DCAF6: variants seen among roughly 807,000 people sequenced by gnomAD.
DCAF6 encodes DDB1 and CUL4 associated factor 6, also known as DDB1- and CUL4-associated factor 6.
A neutral mutation model predicts 125.1 loss-of-function variants in DCAF6; 54 were observed. The ratio of observed to expected loss-of-function variants is 0.43; its 90% confidence interval spans 0.35 to 0.54. The LOEUF (loss-of-function observed/expected upper bound fraction) is 0.54, where lower values mean the gene tolerates loss of function less well. Ranked by LOEUF, DCAF6 falls within the 20% of genes least tolerant of loss-of-function variation. The pLI is 0.01. For synonymous variants in DCAF6, 371 were observed against 390.4 expected, an observed-to-expected ratio of 0.95 and a Z score of 0.58; for missense variants, 934 against 1,161.7, an observed-to-expected ratio of 0.80 and a Z score of 2.85.
At chr1:167,930,921 T>C (rs1437542977), upstream of DCAF6, among the ~76,000 whole-genome samples, 3 of 152,344 alleles carry the variant, frequency 2.0e-5, no homozygotes, top group South Asian at 2.1e-4. Flanking sequence ...ACAAAAAATA[T>C]GTTAAGTGTT....
At chr1:167,977,641 T>C (rs1678452226) in intron 4 of DCAF6, among the ~76,000 whole-genome samples, 2 of 152,140 alleles carry the variant, frequency 1.3e-5, no homozygotes, top group South Asian at 4.1e-4. Context: ...TCTTGAAAAA[T>C]GTAAGAAATT....
At position 168,008,093 on chromosome 1, in the gene DCAF6, C is replaced by T. The variant is rs182218156; in HGVS notation, c.1378+3300C>T. On this transcript the variant is annotated intron_variant, in intron 10 of 21. Transcript: ENST00000367840. ...CAAGCAATTCTCCTGCCTCAGCCTC[C>T]CAAGTAGCTGGGATTACAGGTTCCT... is the stretch of plus-strand genomic sequence containing the variant. Among the ~76,000 whole-genome samples the T allele has an allele frequency of 1.5e-3, 222 of 151,576 alleles. 1 individual carries two copies. Among genetic ancestry groups the T allele is most frequent in the Admixed American group, 9.6e-3 (146 of 15,202 alleles).
rs1316263463 is a variant in DCAF6, at chr1:168,050,204, A to C, written c.2259-688A>C. 3.3e-5 allele frequency among the ~76,000 whole-genome samples: 5 copies of C among 152,276 alleles called. No homozygotes were observed. In the East Asian group the frequency reaches 7.7e-4, roughly 24 times the overall value. On this transcript the variant is annotated intron_variant, in intron 16 of 21. Coordinates refer to ENST00000367840, the MANE Select transcript of DCAF6 (RefSeq NM_001198956.2). Reference sequence around the variant, plus strand: ...GTGATTTATCCTATATTGCCCTTTAATAACTTTTAAAGTGTTATTTTCATA... The same window carrying C: ...GTGATTTATCCTATATTGCCCTTTACTAACTTTTAAAGTGTTATTTTCATA...
intron 2 of DCAF6, among the ~76,000 whole-genome samples, chr1:167,962,731 G>A (rs745864954): frequency 1.3e-5 from 2 of 152,116 alleles, no homozygotes; most frequent in African/African-American, 2.4e-5. Flanking sequence ...CGAGGTGGGC[G>A]ATCACCTGAG....
At chr1:167,993,477 C>A in intron 7 of DCAF6, 37 bp downstream of exon 7, 3 of 1,562,268 alleles carry the variant, frequency 1.9e-6, no homozygotes, top group Non-Finnish European at 2.6e-6. Context: ...TGGCCGGGCG[C>A]GGTGGCTCAC....
chr1:167,962,684 G>A (rs778840349), intron 2 of DCAF6, among the ~76,000 whole-genome samples: 6 of 151,886 alleles, frequency 4.0e-5, no homozygotes, highest in East Asian at 1.9e-4. Flanking sequence ...GGCTGGGTGC[G>A]GTGGCTCACC....
chr1:167,966,406 A>T (rs1676431297), intron 2 of DCAF6, among the ~76,000 whole-genome samples: 1 of 152,212 alleles, frequency 6.6e-6, no homozygotes, highest in Non-Finnish European at 1.5e-5. Context: ...TTTTTAGCTC[A>T]TCAGCTATTG....
chr1:167,968,358 C>G (rs7542368), intron 3 of DCAF6: 1 of 152,274 alleles, frequency 6.6e-6, no homozygotes, highest in Non-Finnish European at 1.5e-5. Context: ...CCCCCCCGTG[C>G]TGAGTGCTGA....
At chr1:167,892,754 T>C in the DCAF6 span, among the ~76,000 whole-genome samples, 3 of 152,184 alleles carry the variant, frequency 2.0e-5, no homozygotes, top group Non-Finnish European at 2.9e-5. Flanking sequence ...GGACAGGCCT[T>C]TGTTACAAAG....
intron 17 of DCAF6, chr1:168,056,112 T>C (rs1484590523): frequency 6.3e-7 from 1 of 1,594,486 alleles, no homozygotes; most frequent in Middle Eastern, 1.7e-4. Context: ...TTTCACACTT[T>C]CCAAAGCACC....
intron 2 of DCAF6, among the ~76,000 whole-genome samples, chr1:167,955,365 T>C (rs1674614378): frequency 1.3e-5 from 2 of 152,282 alleles, no homozygotes; most frequent in East Asian, 3.9e-4. Flanking sequence ...CCAGTATCGT[T>C]GTACCGTTTA....
chr1:168,018,303 A>C (rs987853699), intron 11 of DCAF6, among the ~76,000 whole-genome samples: 1 of 152,192 alleles, frequency 6.6e-6, no homozygotes, highest in African/African-American at 2.4e-5. Flanking sequence ...AAATGATATC[A>C]CCTTAAGTTT....
chr1:168,029,703 G>A (rs1174880548), intron 12 of DCAF6, among the ~76,000 whole-genome samples: 3 of 152,148 alleles, frequency 2.0e-5, no homozygotes, highest in East Asian at 1.9e-4. Context: ...GTCTAAGGCC[G>A]GGCGTGGTGG....
At chr1:168,037,480 G>A (rs961539368) in intron 12 of DCAF6, among the ~76,000 whole-genome samples, 2 of 152,086 alleles carry the variant, frequency 1.3e-5, no homozygotes, top group Non-Finnish European at 2.9e-5. Flanking sequence ...TATTCCCTAT[G>A]TATTTTAATG....
At chr1:167,869,581 C>T in the DCAF6 span, among the ~76,000 whole-genome samples, 6 of 152,262 alleles carry the variant, frequency 3.9e-5, no homozygotes, top group African/African-American at 1.4e-4. Flanking sequence ...AGTTAAAATT[C>T]GACCCCTGAC....
the DCAF6 span, among the ~76,000 whole-genome samples, chr1:167,878,270 G>A: frequency 1.3e-5 from 2 of 152,154 alleles, no homozygotes; most frequent in African/African-American, 2.4e-5. Context: ...CCATGCCATA[G>A]TGTCAGTCAG....
At chr1:168,003,362 G>A (rs141997465) in intron 8 of DCAF6, among the ~76,000 whole-genome samples, 1,559 of 152,222 alleles carry the variant, frequency 0.01, 13 homozygotes, top group Non-Finnish European at 0.016. Flanking sequence ...ATACTTTCTG[G>A]TTCCAGTTAA....
chr1:167,960,309 A>T (rs186197046), intron 2 of DCAF6, among the ~76,000 whole-genome samples: 83 of 151,484 alleles, frequency 5.5e-4, no homozygotes, highest in Middle Eastern at 3.4e-3. Flanking sequence ...TTATTTATTT[A>T]TTTTTTTGAG....
At chr1:167,877,340 A>G in the DCAF6 span, among the ~76,000 whole-genome samples, 1 of 151,560 alleles carries the variant, frequency 6.6e-6, no homozygotes, top group East Asian at 1.9e-4. Flanking sequence ...CATGTATTCA[A>G]ACTGCACTTT....
Sources: gnomAD v4.1 joint callset for allele counts (sites outside exome capture counted in the v4.1 genomes callset) on GRCh38, gnomAD v4.1.1 for gene constraint, MANE v1.5 for transcripts, NCBI Gene and HGNC (gene_info 2026-07-23, HGNC 2026-07-21) for gene names.